Variants in NTM observed in about 807,000 individuals in gnomAD.
NTM encodes neurotrimin.
In NTM, 13 loss-of-function variants were observed where a neutral mutation model predicts 42.1. That is an observed-to-expected ratio of 0.31 (90% confidence interval 0.20 to 0.49). The LOEUF is 0.49. Among genes scored for constraint, NTM ranks in the 20% least tolerant of loss-of-function variants. The pLI is 0.99. For missense variants in NTM, 373 were observed against 452.8 expected (o/e 0.82, Z 1.60); for synonymous variants, 187 against 179.2 (o/e 1.04, Z -0.35).
At chr11:132,000,211 C>T (rs2068919817) in intron 2 of NTM, among the ~76,000 whole-genome samples, 1 of 152,180 alleles carries the variant, frequency 6.6e-6, no homozygotes, top group Non-Finnish European at 1.5e-5. Context: ...CTCAAGGGCT[C>T]TGATTTCTAG....
intron 1 of NTM, among the ~76,000 whole-genome samples, chr11:131,865,192 C>A (rs1328817913): frequency 6.6e-6 from 1 of 152,212 alleles, no homozygotes; most frequent in Non-Finnish European, 1.5e-5. Flanking sequence ...TTAGAAAGAT[C>A]GAGTAGCCTA....
intron 1 of NTM, among the ~76,000 whole-genome samples, chr11:131,626,728 T>G (rs2063141909): frequency 6.6e-6 from 1 of 152,360 alleles, no homozygotes; most frequent in East Asian, 1.9e-4. Flanking sequence ...CGATCTCTAC[T>G]TATTCTCCAT....
chr11:131,985,029 G>T (rs1565884803), intron 2 of NTM, among the ~76,000 whole-genome samples: 1 of 152,140 alleles, frequency 6.6e-6, no homozygotes, highest in Non-Finnish European at 1.5e-5. Context: ...GATCCAGACT[G>T]AGTTGGTGTT....
chr11:131,648,366 CA>C (rs2134305504), intron 1 of NTM, among the ~76,000 whole-genome samples: 1 of 152,220 alleles, frequency 6.6e-6, no homozygotes, highest in Non-Finnish European at 1.5e-5. Flanking sequence ...ATATACCCAA[CA>C]GTGGGTTTGC....
At chr11:131,613,328 G>A (rs1164904524) in intron 1 of NTM, among the ~76,000 whole-genome samples, 1 of 152,018 alleles carries the variant, frequency 6.6e-6, no homozygotes, top group Non-Finnish European at 1.5e-5. Flanking sequence ...CCAAGCCTGG[G>A]CCCCCGCCCA....
intron 1 of NTM, among the ~76,000 whole-genome samples, chr11:131,838,751 A>C (rs533359784): frequency 6.6e-6 from 1 of 152,356 alleles, no homozygotes; most frequent in East Asian, 1.9e-4. Flanking sequence ...TGAAAAGAAT[A>C]GAATATAAAC....
rs187281224 is a variant in NTM, at chr11:131,705,850, G to A, written c.83-205714G>A. ...AAGAAAAAACCTGTGTGAGATACAC[G>A]AAAGAGAAAGTAATTAAAGCATACT... On this transcript the variant is annotated intron_variant, in intron 1 of 8. Transcript: ENST00000683400. Among the ~76,000 whole-genome samples, 429 of 152,082 alleles carry A rather than the reference G, an allele frequency of 2.8e-3. 2 individuals carry two copies. Among genetic ancestry groups the A allele is most frequent in the African/African-American group, 9.9e-3 (413 of 41,538 alleles).
At chr11:131,990,049 G>A (rs975877404) in intron 2 of NTM, among the ~76,000 whole-genome samples, 35 of 152,194 alleles carry the variant, frequency 2.3e-4, no homozygotes, top group African/African-American at 6.5e-4. Context: ...TTTTGAGACT[G>A]GGGTAGAGGA....
chr11:132,063,760 C>T (rs1406612146), intron 2 of NTM, among the ~76,000 whole-genome samples: 1 of 152,220 alleles, frequency 6.6e-6, no homozygotes, highest in African/African-American at 2.4e-5. Context: ...CTTCTTTCCC[C>T]TGCCTGGAGA....
chr11:131,411,547 G>A (rs1946420764), intron 1 of NTM, among the ~76,000 whole-genome samples: 1 of 101,690 alleles, frequency 9.8e-6, no homozygotes, highest in African/African-American at 5.2e-5. Flanking sequence ...GGCCGTGTGT[G>A]TGTGTGTGTG....
Position 131,677,398 on chromosome 11 carries a change from G to A in NTM, c.83-234166G>A, listed in dbSNP as rs527466781. Among the ~76,000 whole-genome samples, 10 of 152,294 alleles carry A rather than the reference G, an allele frequency of 6.6e-5. No individual in the cohort carries two copies. In the East Asian group the frequency reaches 1.5e-3, roughly 24 times the overall value. On this transcript the variant is annotated intron_variant, in intron 1 of 8. Transcript: ENST00000683400. ...AGCAAAGTGCTAGACCAATGCAATC[G>A]TTTATTATTTATTTTTAACATATCA...
intron 1 of NTM, among the ~76,000 whole-genome samples, chr11:131,744,679 A>G (rs2081587800): frequency 6.6e-6 from 1 of 152,200 alleles, no homozygotes; most frequent in South Asian, 2.1e-4. Flanking sequence ...AAACAATTTT[A>G]GTAAACAAGC....
chr11:131,907,482 G>A (rs1024257672), intron 1 of NTM, among the ~76,000 whole-genome samples: 2 of 152,184 alleles, frequency 1.3e-5, no homozygotes, highest in African/African-American at 4.8e-5. Context: ...TTTGCTCAGG[G>A]AGTGTGTATG....
chr11:131,500,242 G>A (rs546931764), intron 1 of NTM, among the ~76,000 whole-genome samples: 1 of 152,170 alleles, frequency 6.6e-6, no homozygotes, highest in Non-Finnish European at 1.5e-5. Context: ...GCTCAGAGCA[G>A]CTTCCACTCC....
At chr11:132,232,301 G>T (rs2087762353) in intron 4 of NTM, among the ~76,000 whole-genome samples, 1 of 147,852 alleles carries the variant, frequency 6.8e-6, no homozygotes. Flanking sequence ...CAAACATTAG[G>T]GGAAAAGAGG....
At chr11:131,938,049 A>T (rs2059410798) in intron 2 of NTM, among the ~76,000 whole-genome samples, 1 of 152,190 alleles carries the variant, frequency 6.6e-6, no homozygotes, top group Admixed American at 6.6e-5. Context: ...TCATTTCTCT[A>T]ACACGTATCG....
chr11:131,796,116 G>A, intron 1 of NTM: 1 of 985,392 alleles, frequency 1.0e-6, no homozygotes, highest in African/African-American at 1.7e-5. Flanking sequence ...CTAGGGAACT[G>A]GCCACAGGAA....
chr11:131,809,181 T>C (rs1414697305), intron 1 of NTM, among the ~76,000 whole-genome samples: 1 of 152,228 alleles, frequency 6.6e-6, no homozygotes, highest in Non-Finnish European at 1.5e-5. Flanking sequence ...ACACTTAATT[T>C]CTTTAGTCCC....
Position 131,859,663 on chromosome 11 carries a change from A to T in NTM, c.83-51901A>T, listed in dbSNP as rs2046422228. Among the ~76,000 whole-genome samples, 4 of 152,174 alleles carry T rather than the reference A, an allele frequency of 2.6e-5. No individual in the cohort carries two copies. In the South Asian group the frequency reaches 8.3e-4, roughly 32 times the overall value. The stretch of plus-strand genomic sequence containing the variant: ...TTCCCTTGGTTTCCTCATCTGGAAA[A>T]TAGGAATAATAATAACACTCATTCT... On this transcript the variant is annotated intron_variant, in intron 1 of 8. Coordinates refer to ENST00000683400, the MANE Select transcript of NTM (RefSeq NM_001352005.2).
Sources: allele counts gnomAD v4.1 joint callset (sites outside exome capture counted in the v4.1 genomes callset), GRCh38; gene constraint gnomAD v4.1.1; transcripts MANE v1.5; gene names NCBI Gene and HGNC (gene_info 2026-07-23, HGNC 2026-07-21).